Variants in NR2C2 observed in about 807,000 individuals in gnomAD.
NR2C2 encodes the protein Nuclear hormone receptor TR4.
In NR2C2, 6 loss-of-function variants were observed where a neutral mutation model predicts 62.9. That is an observed-to-expected ratio of 0.10 (90% CI 0.05 to 0.19). The LOEUF (loss-of-function observed/expected upper bound fraction) is 0.19. Among genes scored for constraint, NR2C2 ranks in the 10% least tolerant of loss-of-function variants. The pLI, the probability that NR2C2 is intolerant of heterozygous loss-of-function variation, is 1.00. For synonymous variants in NR2C2, 272 were observed against 273.8 expected (o/e 0.99, Z 0.07); for missense variants, 479 against 762.7 (o/e 0.63, Z 4.38).
At chr3:15,006,511 T>G (rs150192428) in intron 2 of NR2C2, among the ~76,000 whole-genome samples, 88 of 152,240 alleles carry the variant, frequency 5.8e-4, no homozygotes, top group African/African-American at 2.1e-3. Context: ...TGTGTGTATA[T>G]AAATAGTATA....
rs1188119800 is a variant in NR2C2, at chr3:15,043,460, A to G, written c.*452A>G. 2 of 152,984 alleles carry G rather than the reference A, an allele frequency of 1.3e-5. No homozygotes were observed. The highest frequency in any genetic ancestry group is 2.4e-5 in the African/African-American group (1 of 41,604). 9.5% of individuals were successfully genotyped at this position (152,984 alleles called of 1,614,324 possible). The stretch of plus-strand genomic sequence containing the variant: ...CACTTATCAATGTGTAACGTTAGCA[A>G]CATCTTGCCTGTGGGCAGGGCAAAT... On this transcript the variant is annotated 3_prime_UTR_variant, in exon 14 of 14. Coordinates refer to ENST00000425241, the MANE Select transcript of NR2C2 (RefSeq NM_001291694.2).
chr3:14,958,674 TTTG>T (rs539225434), intron 1 of NR2C2, among the ~76,000 whole-genome samples: 9 of 152,210 alleles, frequency 5.9e-5, no homozygotes, highest in Non-Finnish European at 8.8e-5. Context: ...ATAGGATTTT[TTTG>T]TTGTTGTTGT....
intron 1 of NR2C2, among the ~76,000 whole-genome samples, chr3:14,953,894 CAAAA>C (rs538255184): frequency 1.3e-5 from 1 of 74,306 alleles, no homozygotes. Flanking sequence ...GACTTCATCT[CAAAA>C]AAAAAAAAAA....
intron 1 of NR2C2, among the ~76,000 whole-genome samples, chr3:14,980,538 G>A (rs867751929): frequency 6.6e-6 from 1 of 150,408 alleles, no homozygotes; most frequent in African/African-American, 2.4e-5. Flanking sequence ...GAAAAGTCTC[G>A]TACTTCTACC....
intron 3 of NR2C2, among the ~76,000 whole-genome samples, chr3:15,015,420 C>T (rs1559293587): frequency 6.6e-6 from 1 of 152,254 alleles, no homozygotes; most frequent in East Asian, 1.9e-4. Flanking sequence ...GTCATCAGCT[C>T]ACCACCAGCT....
At chr3:14,963,919 C>A (rs2039762462) in intron 1 of NR2C2, among the ~76,000 whole-genome samples, 1 of 151,792 alleles carries the variant, frequency 6.6e-6, no homozygotes, top group Non-Finnish European at 1.5e-5. Flanking sequence ...AGTTACCTAC[C>A]CCCCTCCCCA....
At chr3:14,983,495 ATTCT>A (rs2040433392) in intron 1 of NR2C2, among the ~76,000 whole-genome samples, 1 of 150,374 alleles carries the variant, frequency 6.7e-6, no homozygotes, top group Admixed American at 6.6e-5. Flanking sequence ...ACACACACAC[ATTCT>A]TAGTTTGCTA....
At chr3:15,035,821 G>A (rs906863571) in intron 11 of NR2C2, among the ~76,000 whole-genome samples, 4 of 152,254 alleles carry the variant, frequency 2.6e-5, no homozygotes, top group African/African-American at 4.8e-5. Context: ...GAGCTTGGGC[G>A]TTCGAAACCA....
chr3:15,002,295 G>C (rs140072525), intron 1 of NR2C2, among the ~76,000 whole-genome samples: 2 of 152,186 alleles, frequency 1.3e-5, no homozygotes, highest in Non-Finnish European at 2.9e-5. Flanking sequence ...AATGTTGTTA[G>C]ATTTTGTCAA....
chr3:15,000,545 T>G (rs572693325), intron 1 of NR2C2, among the ~76,000 whole-genome samples: 19 of 152,320 alleles, frequency 1.2e-4, no homozygotes, highest in Admixed American at 7.2e-4. Flanking sequence ...GAAGTGTGAT[T>G]GCTGGATTCC....
intron 10 of NR2C2, 122 bp downstream of exon 10, chr3:15,032,622 C>G (rs2042009238): frequency 1.7e-6 from 2 of 1,197,254 alleles, no homozygotes; most frequent in Non-Finnish European, 2.4e-6. Context: ...TTCAAAGGAC[C>G]CTGAGTTTTT....
At chr3:14,969,639 T>C (rs2039978412) in intron 1 of NR2C2, among the ~76,000 whole-genome samples, 2 of 152,174 alleles carry the variant, frequency 1.3e-5, no homozygotes, top group Admixed American at 1.3e-4. Context: ...CAGAAAGAAA[T>C]CACTCATACA....
chr3:14,993,228 CG>C (rs770012567), intron 1 of NR2C2, among the ~76,000 whole-genome samples: 5 of 152,176 alleles, frequency 3.3e-5, no homozygotes, highest in South Asian at 2.1e-4. Context: ...CCAAGACAGG[CG>C]GATCACCTGA....
chr3:14,999,842 T>C (rs748316463), intron 1 of NR2C2, among the ~76,000 whole-genome samples: 1 of 152,184 alleles, frequency 6.6e-6, no homozygotes, highest in Non-Finnish European at 1.5e-5. Flanking sequence ...TTCTCTGTTA[T>C]ATTCCATTGG....
intron 1 of NR2C2, among the ~76,000 whole-genome samples, chr3:14,954,721 G>T (rs1489896473): frequency 6.6e-6 from 1 of 152,192 alleles, no homozygotes; most frequent in South Asian, 2.1e-4. Flanking sequence ...GTGTGAGAGG[G>T]ACTTTTGGGG....
intron 3 of NR2C2, 113 bp downstream of exon 3, chr3:15,013,902 A>G (rs2041427096): frequency 2.7e-6 from 3 of 1,109,412 alleles, no homozygotes; most frequent in South Asian, 1.4e-5. Flanking sequence ...TTCCTTGGGG[A>G]CCTGCAAACA....
At chr3:15,004,046 A>C in intron 2 of NR2C2, 60 bp downstream of exon 2, 1 of 1,412,964 alleles carries the variant, frequency 7.1e-7, no homozygotes, top group Non-Finnish European at 9.8e-7. Flanking sequence ...CCAAAAACAA[A>C]CCTTCCTAAG....
chr3:15,031,119 T>G (rs1216414571), intron 9 of NR2C2, among the ~76,000 whole-genome samples: 4 of 152,304 alleles, frequency 2.6e-5, no homozygotes, highest in East Asian at 3.9e-4. Context: ...CAGGCACTTT[T>G]GTCTCTTCTC....
At chr3:14,993,454 CAA>C (rs58284681) in intron 1 of NR2C2, among the ~76,000 whole-genome samples, 34 of 119,392 alleles carry the variant, frequency 2.8e-4, no homozygotes, top group African/African-American at 5.9e-4. Context: ...AACTCCATCT[CAA>C]AAAAAAAAAA....
Sources: allele counts gnomAD v4.1 joint callset (sites outside exome capture counted in the v4.1 genomes callset), GRCh38; gene constraint gnomAD v4.1.1; transcripts MANE v1.5; gene names NCBI Gene and HGNC (gene_info 2026-07-23, HGNC 2026-07-21).